Variants in CADPS2 observed in about 807,000 individuals in gnomAD.
CADPS2 encodes the protein calcium dependent secretion activator 2.
A neutral mutation model predicts 172.5 loss-of-function variants in CADPS2; 93 were observed. The ratio of observed to expected loss-of-function variants is 0.54; its 90% CI spans 0.46 to 0.64. The LOEUF (loss-of-function observed/expected upper bound fraction) is 0.64, where lower values mean the gene tolerates loss of function less well. CADPS2 is among the 30% of genes least tolerant of loss of function. The probability of loss-of-function intolerance (pLI) is 0.00; values close to 1 mark genes in which losing one functional copy is unlikely to be tolerated. For missense variants in CADPS2, 1,420 were observed against 1,565.9 expected (o/e 0.91, Z 1.57); for synonymous variants, 546 against 555.2 (o/e 0.98, Z 0.23).
chr7:122,660,367 T>C lies in CADPS2; in HGVS notation c.786+2870A>G, dbSNP rs142770271. On this transcript the variant is annotated intron_variant, in intron 3 of 29. Coordinates refer to ENST00000449022, the MANE Select transcript of CADPS2 (RefSeq NM_017954.11). ...AAACTCTAGGAGAATCACCAAAATTTTGTTTCGTTTTTTAAAAAAATGTAT... is the reference window on the plus strand; with the variant it reads ...AAACTCTAGGAGAATCACCAAAATTCTGTTTCGTTTTTTAAAAAAATGTAT... 8.0e-4 allele frequency among the ~76,000 whole-genome samples: 121 copies of C among 152,188 alleles called. 3 individuals carry two copies. The East Asian group carries it at 0.022, about 28-fold the overall frequency.
At chr7:122,651,418 G>A (rs192435756) in intron 3 of CADPS2, among the ~76,000 whole-genome samples, 14 of 152,230 alleles carry the variant, frequency 9.2e-5, no homozygotes, top group African/African-American at 2.6e-4. Flanking sequence ...AGACACCCAC[G>A]GTGACCACAG....
intron 8 of CADPS2, among the ~76,000 whole-genome samples, chr7:122,526,898 T>C (rs1412216022): frequency 6.6e-6 from 1 of 152,196 alleles, no homozygotes; most frequent in Non-Finnish European, 1.5e-5. Context: ...CTCACCACTC[T>C]ATCCTCATTG....
intron 2 of CADPS2, among the ~76,000 whole-genome samples, chr7:122,733,428 C>G (rs2091870376): frequency 6.6e-6 from 1 of 150,502 alleles, no homozygotes; most frequent in Admixed American, 6.7e-5. Flanking sequence ...TTTCATGGAA[C>G]ATACATTCTA....
chr7:122,400,121 A>C (rs1455091037), intron 20 of CADPS2, among the ~76,000 whole-genome samples: 1 of 152,048 alleles, frequency 6.6e-6, no homozygotes, highest in East Asian at 1.9e-4. Flanking sequence ...TAAAATTTTT[A>C]AAAAGTCTAC....
intron 2 of CADPS2, among the ~76,000 whole-genome samples, chr7:122,706,890 G>A (rs2087650441): frequency 6.8e-6 from 1 of 147,870 alleles, no homozygotes; most frequent in Non-Finnish European, 1.5e-5. Flanking sequence ...ATGTCTCTTT[G>A]GCTAGAATTG....
At chr7:122,757,808 A>G (rs913983288) in intron 1 of CADPS2, among the ~76,000 whole-genome samples, 43 of 152,152 alleles carry the variant, frequency 2.8e-4, no homozygotes, top group African/African-American at 1.0e-3. Flanking sequence ...CTGCTTGTGC[A>G]TAACAGAACT....
chr7:122,734,220 A>G (rs1039252123), intron 2 of CADPS2, among the ~76,000 whole-genome samples: 2 of 149,578 alleles, frequency 1.3e-5, no homozygotes, highest in Non-Finnish European at 3.0e-5. Context: ...TTATTCTAAA[A>G]TATAAATATA....
At chr7:122,543,626 T>C (rs1307296548) in intron 8 of CADPS2, among the ~76,000 whole-genome samples, 1 of 152,144 alleles carries the variant, frequency 6.6e-6, no homozygotes, top group Non-Finnish European at 1.5e-5. Context: ...GATGTTATAA[T>C]TTTATAGTAG....
intron 3 of CADPS2, among the ~76,000 whole-genome samples, chr7:122,657,099 G>C (rs1018070673): frequency 2.6e-5 from 4 of 152,132 alleles, no homozygotes; most frequent in African/African-American, 7.2e-5. Context: ...TGTCAGGTTT[G>C]TCAAAGATCA....
At chr7:122,717,891 C>G (rs369729215) in intron 2 of CADPS2, among the ~76,000 whole-genome samples, 3 of 151,880 alleles carry the variant, frequency 2.0e-5, no homozygotes, top group African/African-American at 7.2e-5. Context: ...GTCACTGCAG[C>G]CTTAACTAGC....
intron 1 of CADPS2, among the ~76,000 whole-genome samples, chr7:122,866,126 C>T (rs1411823553): frequency 1.3e-5 from 2 of 152,158 alleles, no homozygotes; most frequent in Non-Finnish European, 2.9e-5. Context: ...CTTATTTAAC[C>T]ACATAAACAT....
At chr7:122,771,812 G>C (rs2093712020) in intron 1 of CADPS2, among the ~76,000 whole-genome samples, 1 of 152,156 alleles carries the variant, frequency 6.6e-6, no homozygotes, top group African/African-American at 2.4e-5. Flanking sequence ...GAGAAACTGT[G>C]GGTACCTGAC....
At chr7:122,393,996 C>T (rs145037903) in intron 20 of CADPS2, among the ~76,000 whole-genome samples, 1,551 of 152,214 alleles carry the variant, frequency 0.01, 30 homozygotes, top group African/African-American at 0.035. Context: ...AGGAGCTAAA[C>T]CTTCTCAATT....
At chr7:122,547,624 T>C (rs2063760849) in intron 8 of CADPS2, among the ~76,000 whole-genome samples, 1 of 152,182 alleles carries the variant, frequency 6.6e-6, no homozygotes, top group African/African-American at 2.4e-5. Context: ...TCTATGGCAA[T>C]CAAATTTAGT....
chr7:122,529,452 A>G (rs1484758239), intron 8 of CADPS2, among the ~76,000 whole-genome samples: 1 of 152,068 alleles, frequency 6.6e-6, no homozygotes, highest in Non-Finnish European at 1.5e-5. Flanking sequence ...TATTACACAT[A>G]AAACTAGGGA....
At chr7:122,444,112 T>G (rs1044964890) in intron 15 of CADPS2, among the ~76,000 whole-genome samples, 1 of 152,174 alleles carries the variant, frequency 6.6e-6, no homozygotes, top group African/African-American at 2.4e-5. Context: ...CTTAGCATAG[T>G]TATCTTGATA....
At chr7:122,582,491 T>G (rs2068977853) in intron 6 of CADPS2, among the ~76,000 whole-genome samples, 2 of 152,052 alleles carry the variant, frequency 1.3e-5, no homozygotes, top group African/African-American at 4.8e-5. Context: ...GAAAACAGCT[T>G]AATTTCTATT....
At chr7:122,426,095 AAGG>A (rs1372385655) in intron 17 of CADPS2, 2 of 152,290 alleles carry the variant, frequency 1.3e-5, no homozygotes, top group Non-Finnish European at 2.9e-5. Flanking sequence ...AAGGCAATTG[AAGG>A]AGAAGGAAAG....
At chr7:122,732,403 A>T (rs936816414) in intron 2 of CADPS2, among the ~76,000 whole-genome samples, 6 of 151,202 alleles carry the variant, frequency 4.0e-5, no homozygotes, top group African/African-American at 1.5e-4. Flanking sequence ...GGAAAAGGCT[A>T]TTCATAAAAA....
Sources: allele counts gnomAD v4.1 joint callset (sites outside exome capture counted in the v4.1 genomes callset), GRCh38; gene constraint gnomAD v4.1.1; transcripts MANE v1.5; gene names NCBI Gene and HGNC (gene_info 2026-07-23, HGNC 2026-07-21).